The following SPON1 variants were observed in gnomAD, a reference collection of about 807,000 sequenced individuals.
SPON1 encodes the protein spondin-1.
In SPON1, 52 loss-of-function variants were observed where a neutral mutation model predicts 111.7. The ratio of observed to expected loss-of-function variants is 0.47; its 90% CI spans 0.37 to 0.59. The LOEUF (loss-of-function observed/expected upper bound fraction) is 0.59, where lower values mean the gene tolerates loss of function less well. Among genes scored for constraint, SPON1 ranks in the 20% least tolerant of loss-of-function variants. SPON1 has a pLI of 0.00. For missense variants in SPON1, 957 were observed against 1,068.5 expected (o/e 0.90, Z 1.46); for synonymous variants, 410 against 395.8 (o/e 1.04, Z -0.43).
intron 4 of SPON1, among the ~76,000 whole-genome samples, chr11:14,078,829 A>T (rs1203298997): frequency 6.6e-6 from 1 of 152,194 alleles, no homozygotes; most frequent in Non-Finnish European, 1.5e-5. Flanking sequence ...TCATCCTTTC[A>T]TCTCCACCCT....
At chr11:14,146,774 T>C (rs61080838) in intron 6 of SPON1, among the ~76,000 whole-genome samples, 448 of 152,100 alleles carry the variant, frequency 2.9e-3, no homozygotes, top group African/African-American at 9.7e-3. Flanking sequence ...TAGAATCTAA[T>C]AGAAAGTCCA....
intron 13 of SPON1, among the ~76,000 whole-genome samples, 168 bp from the exon 14 acceptor site, chr11:14,260,420 G>A (rs1554941788): frequency 6.6e-6 from 1 of 152,168 alleles, no homozygotes; most frequent in Admixed American, 6.5e-5. Context: ...GTAGGCTGCT[G>A]AGCCACTTCT....
chr11:14,173,552 G>A (rs1378803085), intron 6 of SPON1, among the ~76,000 whole-genome samples: 2 of 152,136 alleles, frequency 1.3e-5, no homozygotes, highest in African/African-American at 4.8e-5. Flanking sequence ...GCGTTCCTTT[G>A]GAGGAGAAGG....
At chr11:14,087,894 T>C (rs1554922862) in intron 5 of SPON1, among the ~76,000 whole-genome samples, 1 of 152,244 alleles carries the variant, frequency 6.6e-6, no homozygotes, top group East Asian at 1.9e-4. Context: ...CATTCTGTAG[T>C]GCCCTTCTTT....
intron 3 of SPON1, among the ~76,000 whole-genome samples, chr11:14,059,582 G>T (rs147911382): frequency 5.5e-4 from 83 of 152,242 alleles, no homozygotes; most frequent in Middle Eastern, 3.4e-3. Context: ...GACCAGAGGG[G>T]CTGGCACATG....
At chr11:13,996,987 A>G (rs1848277784) in intron 2 of SPON1, among the ~76,000 whole-genome samples, 1 of 152,198 alleles carries the variant, frequency 6.6e-6, no homozygotes, top group Non-Finnish European at 1.5e-5. Context: ...ACTGCAGTGA[A>G]CACCGTAACA....
chr11:14,097,044 G>C (rs1220440034), intron 5 of SPON1, among the ~76,000 whole-genome samples: 1 of 152,090 alleles, frequency 6.6e-6, no homozygotes, highest in African/African-American at 2.4e-5. Context: ...CTCAAATGCT[G>C]CTTCCTTCCA....
At chr11:14,243,496 A>G in intron 7 of SPON1, 100 bp downstream of exon 7, 2 of 976,470 alleles carry the variant, frequency 2.0e-6, no homozygotes, top group Non-Finnish European at 3.2e-6. Context: ...TGTTGAAGTT[A>G]GCACTACTTC....
chr11:14,112,185 T>C (rs1293606463), intron 5 of SPON1, among the ~76,000 whole-genome samples: 1 of 151,352 alleles, frequency 6.6e-6, no homozygotes, highest in Non-Finnish European at 1.5e-5. Context: ...ACACAGCAAC[T>C]AGAGATTATA....
intron 3 of SPON1, among the ~76,000 whole-genome samples, chr11:14,045,381 AG>A (rs2133815685): frequency 6.6e-6 from 1 of 152,172 alleles, no homozygotes; most frequent in South Asian, 2.1e-4. Flanking sequence ...GTTCGAGACC[AG>A]CCTGGCCAAC....
rs1344402495 is a variant in SPON1, at chr11:14,267,907, GTATT to G, written c.*2222_*2225del. ...GAAGTTGTAATTGTTTGTTGTGTAT[GTATT>G]TTTTTCAATGCCAAACCAGCTGTGA... is the stretch of plus-strand genomic sequence containing the variant. On this transcript the variant is annotated 3_prime_UTR_variant, in exon 16 of 16. Transcript: ENST00000576479. 1 of 152,180 alleles carries G rather than the reference GTATT, an allele frequency of 6.6e-6. No homozygotes were observed. Among genetic ancestry groups the G allele is most frequent in the Non-Finnish European group, 1.5e-5 (1 of 68,038 alleles). The allele number at this position is 152,180 out of a possible 1,614,324, so 9.4% of individuals were successfully genotyped here. A position where few individuals can be genotyped will look rare whatever the true frequency, so the allele number is the denominator to read the frequency against.
At position 14,259,061 on chromosome 11, in the gene SPON1, A is replaced by G. The variant is rs1849141474; in HGVS notation, c.1493-219A>G. On this transcript the variant is annotated intron_variant, in intron 11 of 15. Coordinates refer to ENST00000576479, the MANE Select transcript of SPON1 (RefSeq NM_006108.4). The surrounding 1 kb of genome is among the most constrained non-coding windows in gnomAD (Gnocchi z 5.0). ...ACAAGCATCTTTCGAATGTATTTTC[A>G]TGAGATAAAGAGTAATTCTGAGTGT... Among the ~76,000 whole-genome samples, 1 of 152,248 alleles carries G rather than the reference A, an allele frequency of 6.6e-6. No individual in the cohort carries two copies. Among genetic ancestry groups the G allele is most frequent in the Non-Finnish European group, 1.5e-5 (1 of 68,042 alleles).
chr11:14,215,608 G>A (rs905453328), intron 6 of SPON1, among the ~76,000 whole-genome samples: 2 of 152,156 alleles, frequency 1.3e-5, no homozygotes, highest in Non-Finnish European at 2.9e-5. Context: ...GGCCAAAGCA[G>A]TCACAAAGCC....
At chr11:14,023,671 A>G (rs1177048425) in intron 2 of SPON1, among the ~76,000 whole-genome samples, 2 of 152,200 alleles carry the variant, frequency 1.3e-5, no homozygotes, top group African/African-American at 4.8e-5. Context: ...GGAAGAAATA[A>G]TAGAAGCAGG....
intron 1 of SPON1, among the ~76,000 whole-genome samples, chr11:13,978,229 T>C (rs1848117447): frequency 6.6e-6 from 1 of 152,146 alleles, no homozygotes; most frequent in Non-Finnish European, 1.5e-5. Context: ...TCTTGGACAA[T>C]CTTGGCCCTT....
At chr11:13,969,864 A>G (rs1848049067) in intron 1 of SPON1, among the ~76,000 whole-genome samples, 3 of 152,210 alleles carry the variant, frequency 2.0e-5, no homozygotes, top group Non-Finnish European at 4.4e-5. Context: ...GGAAGAGAGC[A>G]ATGTTTCCTC....
chr11:14,126,219 C>T (rs1847457828), intron 5 of SPON1, among the ~76,000 whole-genome samples: 3 of 152,208 alleles, frequency 2.0e-5, no homozygotes, highest in African/African-American at 7.2e-5. Flanking sequence ...CTGCCCTCCC[C>T]ATAGCCCAGT....
intron 2 of SPON1, among the ~76,000 whole-genome samples, chr11:13,987,902 T>C (rs537559049): frequency 8.5e-5 from 13 of 152,320 alleles, no homozygotes; most frequent in East Asian, 1.9e-4. Context: ...TTCTGTTCCA[T>C]TGGTCTATAT....
At chr11:14,060,888 A>G (rs1391195842) in intron 3 of SPON1, among the ~76,000 whole-genome samples, 3 of 152,182 alleles carry the variant, frequency 2.0e-5, no homozygotes, top group African/African-American at 7.2e-5. Context: ...GGGTAGATAC[A>G]ACGGTGAACA....
Sources: allele counts gnomAD v4.1 joint callset (sites outside exome capture counted in the v4.1 genomes callset), GRCh38; gene constraint gnomAD v4.1.1; non-coding constraint Gnocchi (gnomAD v3.1); transcripts MANE v1.5; gene names NCBI Gene and HGNC (gene_info 2026-07-23, HGNC 2026-07-21).